HMCN2: variants seen among roughly 807,000 people sequenced by gnomAD.
HMCN2 encodes hemicentin 2.
A neutral mutation model predicts 377.5 loss-of-function variants in HMCN2; 325 were observed. That is an observed-to-expected ratio of 0.86 (90% confidence interval 0.79 to 0.94). The LOEUF is 0.94. Ranked by LOEUF, HMCN2 falls within the 40% of genes least tolerant of loss-of-function variation. The pLI, the probability that HMCN2 is intolerant of heterozygous loss-of-function variation, is 0.00. For synonymous variants in HMCN2, 2,007 were observed against 2,046.8 expected, an observed-to-expected ratio of 0.98 and a Z score of 0.53; for missense variants, 4,543 against 4,725.3, an observed-to-expected ratio of 0.96 and a Z score of 1.13.
chr9:130,383,605 G>A lies in HMCN2; in HGVS notation c.8830+5G>A. 2 of 985,626 alleles carry A rather than the reference G, an allele frequency of 2.0e-6. No homozygotes were observed. Among genetic ancestry groups the A allele is most frequent in the Non-Finnish European group, 2.4e-6 (2 of 829,748 alleles). 61.1% of individuals were successfully genotyped at this position (985,626 alleles called of 1,614,324 possible). The stretch of plus-strand genomic sequence containing the variant: ...TCTTCACCCTCAGGGTTCAAGGTGA[G>A]CTGGGCTGAGCAGGCAGCCCCTGTG... On this transcript the variant is annotated splice_donor_5th_base_variant and intron_variant, in intron 57 of 97. Transcript: ENST00000683500.
At chr9:130,278,756 A>AT (rs1468508808) in intron 1 of HMCN2, among the ~76,000 whole-genome samples, 2 of 145,658 alleles carry the variant, frequency 1.4e-5, no homozygotes, top group Admixed American at 1.4e-4. Context: ...CTAATTTTGT[A>AT]TTTTAGTAGA....
chr9:130,300,885 T>C (rs868930585), intron 8 of HMCN2, among the ~76,000 whole-genome samples: 1 of 152,258 alleles, frequency 6.6e-6, no homozygotes, highest in African/African-American at 2.4e-5. Flanking sequence ...CTAGGGCCAC[T>C]GGCCATCTGG....
intron 52 of HMCN2, among the ~76,000 whole-genome samples, chr9:130,377,168 C>G (rs1291302714): frequency 1.3e-5 from 2 of 151,842 alleles, no homozygotes; most frequent in African/African-American, 2.4e-5. Context: ...GGCTGGAGTA[C>G]AGTGGCACGA....
At chr9:130,359,236 G>C in intron 36 of HMCN2, 83 bp from the exon 37 acceptor site, 1 of 670,590 alleles carries the variant, frequency 1.5e-6, no homozygotes, top group Non-Finnish European at 2.3e-6. Context: ...GGGGAGCAGG[G>C]AGCAGCACTG....
At chr9:130,286,823 C>G (rs1290207356) in intron 4 of HMCN2, among the ~76,000 whole-genome samples, 1 of 152,168 alleles carries the variant, frequency 6.6e-6, no homozygotes, top group African/African-American at 2.4e-5. Flanking sequence ...CCGGGATCTG[C>G]GTTCACTCAG....
At position 130,334,837 on chromosome 9, in the gene HMCN2, C is replaced by G. The variant is rs1052125771; in HGVS notation, c.3360-3057C>G. ...CTCTCCTCTCTCTCTCTCTCTCCCT[C>G]CCTCCCTCCCTCACCCTTTATTTTT... On this transcript the variant is annotated intron_variant, in intron 22 of 97. Coordinates refer to ENST00000683500, the MANE Select transcript of HMCN2 (RefSeq NM_001291815.2). Among the ~76,000 whole-genome samples, 1,407 of 140,788 alleles carry G rather than the reference C, an allele frequency of 1.0e-2. 23 individuals carry two copies. The highest frequency in any genetic ancestry group is 0.034 in the African/African-American group (1,348 of 39,078). 92.4% of individuals were successfully genotyped at this position (140,788 alleles called of 152,430 possible).
chr9:130,341,088 A>T (rs1839022159), intron 23 of HMCN2, 23 bp from the exon 24 acceptor site: 1 of 152,424 alleles, frequency 6.6e-6, no homozygotes, highest in Non-Finnish European at 1.5e-5. Context: ...CCCAACCTTG[A>T]TACCCCTCCT....
At chr9:130,343,419 C>T (rs1360308055) in intron 25 of HMCN2, among the ~76,000 whole-genome samples, 1 of 152,240 alleles carries the variant, frequency 6.6e-6, no homozygotes, top group East Asian at 1.9e-4. Flanking sequence ...CAGGGAGAGG[C>T]AGGTAGAAGC....
chr9:130,429,586 G>A lies in HMCN2; in HGVS notation c.14227G>A (p.Asp4743Asn), dbSNP rs1052222883. ...DVDECLEGLD[D>N]CHYNQLCENT... ...GGACGAATGCCTGGAGGGGTTGGAC[G>A]ACTGTCACTACAACCAGCTCTGCGA... Residue 4743 changes from aspartate (D) to asparagine (N), a missense_variant, in exon 94 of 98, where the codon GAC becomes AAC. This residue lies in a region of HMCN2 where 1,155 missense variants were observed against 1,157.7 expected (regional missense o/e 1.00). Coordinates refer to ENST00000683500, the MANE Select transcript of HMCN2 (RefSeq NM_001291815.2). The A allele has an allele frequency of 2.3e-5, 35 of 1,550,336 alleles. No homozygotes were observed. The East Asian group carries it at 6.8e-4, about 30-fold the overall frequency.
chr9:130,416,066 T>G (rs1371239383), intron 85 of HMCN2, among the ~76,000 whole-genome samples: 1 of 151,694 alleles, frequency 6.6e-6, no homozygotes, highest in East Asian at 1.9e-4. Context: ...GGCCAAAGGC[T>G]TCCACTGTTC....
At chr9:130,296,839 G>A (rs1554932361) in intron 7 of HMCN2, 45 bp downstream of exon 7, 1 of 465,464 alleles carries the variant, frequency 2.1e-6, no homozygotes, top group African/African-American at 2.0e-5. Flanking sequence ...TGCCTCTGAA[G>A]ACCTGGGGCT....
intron 29 of HMCN2, among the ~76,000 whole-genome samples, 188 bp downstream of exon 29, chr9:130,349,851 C>T (rs35734711): frequency 3.5e-5 from 5 of 142,740 alleles, no homozygotes; most frequent in African/African-American, 1.3e-4. Context: ...AGACCCCACT[C>T]TTACCTCAGC....
Position 130,396,078 on chromosome 9 carries a change from C to CG in HMCN2, c.11053+14dup. ...GTGGAGATCCACAGTGAGTAGGGCC[C>CG]GCCCCACCCCACCCTGCCCACCTTA... On this transcript the variant is annotated intron_variant, in intron 72 of 97. Coordinates refer to ENST00000683500, the MANE Select transcript of HMCN2 (RefSeq NM_001291815.2). 2.4e-6 allele frequency: 3 copies of CG among 1,231,104 alleles called. No homozygotes were observed. Among genetic ancestry groups the CG allele is most frequent in the Non-Finnish European group, 3.2e-6 (3 of 947,290 alleles). 76.3% of individuals were successfully genotyped at this position (1,231,104 alleles called of 1,614,324 possible).
chr9:130,428,387 C>T lies in HMCN2; in HGVS notation c.14095C>T (p.Leu4699Phe), dbSNP rs957640664. 9 of 1,548,074 alleles carry T rather than the reference C, an allele frequency of 5.8e-6. No homozygotes were observed. The highest frequency in any genetic ancestry group is 7.0e-6 in the Non-Finnish European group (8 of 1,146,888). Residue 4699 changes from leucine (L) to phenylalanine (F), a missense_variant, in exon 93 of 98, where the codon CTC becomes TTC. By Grantham distance (22) the Leu-to-Phe change is conservative (BLOSUM62 0). Around this residue, in one of 5 missense-constraint regions of HMCN2, gnomAD observed 1,155 missense variants for 1,157.7 expected, o/e 1.00. Coordinates refer to ENST00000683500, the MANE Select transcript of HMCN2 (RefSeq NM_001291815.2). The surrounding 1 kb of genome is among the most constrained non-coding windows in gnomAD (Gnocchi z 5.0). Reference sequence around the variant, plus strand: ...GGACGAGTGTGCGTGGGATGCTCACCTCTGCCGAGAGGGACAGCGCTGTGT... The same window carrying T: ...GGACGAGTGTGCGTGGGATGCTCACTTCTGCCGAGAGGGACAGCGCTGTGT... Reference protein sequence around the residue: ...DVDECAWDAHLCREGQRCVNL... With the variant: ...DVDECAWDAHFCREGQRCVNL...
intron 1 of HMCN2, among the ~76,000 whole-genome samples, chr9:130,274,410 C>T (rs943563086): frequency 4.6e-5 from 7 of 152,122 alleles, no homozygotes; most frequent in Admixed American, 1.3e-4. Context: ...TGCTTGGTCA[C>T]GGTGGATTAT....
At chr9:130,424,566 C>T (rs1393881953) in intron 87 of HMCN2, among the ~76,000 whole-genome samples, 1 of 152,152 alleles carries the variant, frequency 6.6e-6, no homozygotes, top group Non-Finnish European at 1.5e-5. Flanking sequence ...TTATTAATTT[C>T]AGTTACTCCA....
chr9:130,431,546 T>A, intron 96 of HMCN2, 60 bp downstream of exon 96: 1 of 1,525,036 alleles, frequency 6.6e-7, no homozygotes, highest in African/African-American at 1.4e-5. Context: ...CAGCGTGGGA[T>A]GGGACATGTG....
chr9:130,395,256 G>T lies in HMCN2; in HGVS notation c.10820G>T (p.Gly3607Val), dbSNP rs781223833. ...VGPRGPRFVVGLAPGQLVLEC... is the reference protein window; with the variant it reads ...VGPRGPRFVVVLAPGQLVLEC... ...CCCCGAGGCCCCCGCTTTGTGGTCGGCCTGGCCCCAGGGCAGCTGGTCCTG... is the reference window on the plus strand; with the variant it reads ...CCCCGAGGCCCCCGCTTTGTGGTCGTCCTGGCCCCAGGGCAGCTGGTCCTG... Residue 3607 changes from glycine (G) to valine (V), a missense_variant, in exon 71 of 98, where the codon GGC becomes GTC. Transcript: ENST00000683500. The T allele has an allele frequency of 1.6e-6, 2 of 1,289,522 alleles. No homozygotes were observed. The highest frequency in any genetic ancestry group is 2.3e-5 in the Admixed American group (1 of 43,542). The allele number at this position is 1,289,522 out of a possible 1,614,324, so 79.9% of individuals were successfully genotyped here. A position where few individuals can be genotyped will look rare whatever the true frequency, so the allele number is the denominator to read the frequency against.
At position 130,323,796 on chromosome 9, in the gene HMCN2, G is replaced by A. The variant is rs1208056155; in HGVS notation, c.2921-1799G>A. ...TGGCTCACTGCCACCTCCACTTCCCGGGTTCAAGCGATTCTCCTGCCTCAG... is the reference window on the plus strand; with the variant it reads ...TGGCTCACTGCCACCTCCACTTCCCAGGTTCAAGCGATTCTCCTGCCTCAG... On this transcript the variant is annotated intron_variant, in intron 19 of 97. Coordinates refer to ENST00000683500, the MANE Select transcript of HMCN2 (RefSeq NM_001291815.2). Among the ~76,000 whole-genome samples the A allele has an allele frequency of 1.1e-4, 17 of 152,124 alleles. No individual in the cohort carries two copies. The South Asian group carries it at 1.2e-3, about 11-fold the overall frequency.
Sources: gnomAD v4.1 joint callset for allele counts (sites outside exome capture counted in the v4.1 genomes callset) on GRCh38, gnomAD v4.1.1 for gene constraint, gnomAD v4.1.1 regional missense constraint, Gnocchi (gnomAD v3.1) non-coding constraint, MANE v1.5 for transcripts, NCBI Gene and HGNC (gene_info 2026-07-23, HGNC 2026-07-21) for gene names.